AK9: variants seen among roughly 807,000 people sequenced by gnomAD.
AK9 encodes adenylate kinase 9.
Under a neutral mutation model 239.6 loss-of-function variants are expected in AK9, and 191 were observed. The ratio of observed to expected loss-of-function variants is 0.80; its 90% CI spans 0.71 to 0.90. AK9 has a LOEUF of 0.90. Ranked by LOEUF, AK9 falls within the 40% of genes least tolerant of loss-of-function variation. The pLI is 0.00. For missense variants in AK9, 1,995 were observed against 2,214.7 expected, an observed-to-expected ratio of 0.90 and a Z score of 1.99; for synonymous variants, 689 against 721.0, an observed-to-expected ratio of 0.96 and a Z score of 0.71.
At chr6:109,661,799 T>C (rs1336234131) in intron 6 of AK9, among the ~76,000 whole-genome samples, 1 of 152,182 alleles carries the variant, frequency 6.6e-6, no homozygotes, top group African/African-American at 2.4e-5. Flanking sequence ...AAGCTTATCA[T>C]TCATTTTGAC....
Position 109,506,695 on chromosome 6 carries a change from C to T in AK9, c.4587G>A (p.Glu1529=). 6.5e-7 allele frequency: 1 copy of T among 1,536,138 alleles called. No homozygotes were observed. Among genetic ancestry groups the T allele is most frequent in the Non-Finnish European group, 8.8e-7 (1 of 1,136,648 alleles). ...TTTCTAGGAGCAATCTTTTGAAAAT[C>T]TCCTTGGAAGGCACACTCAATTCAA... ...VIFELSVPSK[E]IFKRLLLEKE... is the part of the protein sequence containing the mutation. The change falls in exon 34 of 41, where the codon GAG becomes GAA. Residue 1529 remains glutamate (E), a synonymous_variant. Coordinates refer to ENST00000424296, the MANE Select transcript of AK9 (RefSeq NM_001145128.3).
chr6:109,515,431 C>CT lies in AK9; in HGVS notation c.4065+425dup, dbSNP rs141735632. ...ATTGATCAATGCTACGTTTGAATAT[C>CT]TTTTTATAGCATCAGATGGGCAAGT... On this transcript the variant is annotated intron_variant, in intron 31 of 40. Coordinates refer to ENST00000424296, the MANE Select transcript of AK9 (RefSeq NM_001145128.3). Among the ~76,000 whole-genome samples the CT allele has an allele frequency of 1.1e-3, 168 of 152,258 alleles. No homozygotes were observed. The East Asian group carries it at 0.024, about 22-fold the overall frequency.
At chr6:109,514,561 T>A in intron 31 of AK9, 124 bp from the exon 32 acceptor site, 1 of 811,734 alleles carries the variant, frequency 1.2e-6, no homozygotes, top group Non-Finnish European at 1.9e-6. Context: ...ATAAGAAAAC[T>A]AATTATAATC....
At chr6:109,553,593 GTT>G (rs1363171241) in intron 24 of AK9, among the ~76,000 whole-genome samples, 1 of 152,128 alleles carries the variant, frequency 6.6e-6, no homozygotes, top group Non-Finnish European at 1.5e-5. Context: ...AGTTCAAGAA[GTT>G]TTTGGGCTGA....
chr6:109,506,849 C>T (rs182265471), intron 33 of AK9, 49 bp from the exon 34 acceptor site: 391 of 1,447,502 alleles, frequency 2.7e-4, no homozygotes, highest in East Asian at 4.3e-4. Context: ...CTTTTTCTCT[C>T]GTACTTCCTT....
intron 15 of AK9, among the ~76,000 whole-genome samples, chr6:109,613,435 CAG>C (rs1379093203): frequency 6.6e-6 from 1 of 151,696 alleles, no homozygotes; most frequent in Non-Finnish European, 1.5e-5. Context: ...ATTAAAACAA[CAG>C]AAAATACTGA....
At chr6:109,516,291 A>G (rs969258360) in intron 30 of AK9, 139 bp downstream of exon 30, 1 of 897,748 alleles carries the variant, frequency 1.1e-6, no homozygotes, top group African/African-American at 1.7e-5. Context: ...CATAATTGTT[A>G]AATGATACCG....
At chr6:109,531,857 T>C (rs1781317852) in intron 28 of AK9, among the ~76,000 whole-genome samples, 1 of 152,160 alleles carries the variant, frequency 6.6e-6, no homozygotes, top group Non-Finnish European at 1.5e-5. Flanking sequence ...CCTCCTCACA[T>C]CCATAGTTCT....
At chr6:109,618,172 T>C (rs1794401142) in intron 13 of AK9, among the ~76,000 whole-genome samples, 1 of 152,164 alleles carries the variant, frequency 6.6e-6, no homozygotes, top group Admixed American at 6.6e-5. Flanking sequence ...TGACTGAATC[T>C]AGCTAAAATT....
At chr6:109,533,551 T>C (rs1469727636) in intron 27 of AK9, 81 bp from the exon 28 acceptor site, 1 of 1,158,300 alleles carries the variant, frequency 8.6e-7, no homozygotes, top group Non-Finnish European at 1.2e-6. Flanking sequence ...GTAATGATCA[T>C]TATACAAGGT....
rs938172849 is a variant in AK9, at chr6:109,497,457, G to T, written c.5315+8C>A. 4 of 1,523,022 alleles carry T rather than the reference G, an allele frequency of 2.6e-6. No homozygotes were observed. The African/African-American group carries it at 4.2e-5, about 16-fold the overall frequency. 94.3% of individuals were successfully genotyped at this position (1,523,022 alleles called of 1,614,324 possible). ...TTTCAGTAAATATTTGTGATTTAATGGTCTCACCTCAAAAATTTCTGGAGT... is the reference window on the plus strand; with the variant it reads ...TTTCAGTAAATATTTGTGATTTAATTGTCTCACCTCAAAAATTTCTGGAGT... On this transcript the variant is annotated splice_region_variant and intron_variant, in intron 38 of 40. Transcript: ENST00000424296.
chr6:109,533,206 A>G (rs1781509765), intron 28 of AK9, 45 bp downstream of exon 28: 4 of 1,446,888 alleles, frequency 2.8e-6, no homozygotes, highest in Non-Finnish European at 3.7e-6. Flanking sequence ...ATCACTAAAC[A>G]GATGCTGAAC....
At chr6:109,600,228 T>C (rs1471143628) in intron 17 of AK9, among the ~76,000 whole-genome samples, 2 of 152,172 alleles carry the variant, frequency 1.3e-5, no homozygotes, top group Non-Finnish European at 2.9e-5. Flanking sequence ...CATAAATAGC[T>C]CTTATTATTT....
chr6:109,629,635 A>AT (rs992623558), intron 12 of AK9, among the ~76,000 whole-genome samples: 193 of 148,104 alleles, frequency 1.3e-3, no homozygotes, highest in African/African-American at 4.1e-3. Context: ...TATTTGAAAA[A>AT]TTTTTTTTTT....
At chr6:109,534,755 C>G (rs987753705) in intron 27 of AK9, among the ~76,000 whole-genome samples, 3 of 152,094 alleles carry the variant, frequency 2.0e-5, no homozygotes, top group African/African-American at 4.8e-5. Flanking sequence ...ATCCCTCCCC[C>G]ACTCCCCACC....
intron 29 of AK9, among the ~76,000 whole-genome samples, chr6:109,525,921 T>C (rs144671714): frequency 8.1e-4 from 123 of 152,166 alleles, no homozygotes; most frequent in African/African-American, 2.8e-3. Context: ...ATAAAGAAAA[T>C]GTGGTACATA....
At chr6:109,689,039 GA>G (rs1773925165) in intron 1 of AK9, among the ~76,000 whole-genome samples, 1 of 152,188 alleles carries the variant, frequency 6.6e-6, no homozygotes. Context: ...CCTCAGGGAT[GA>G]AAGCTTGTTA....
chr6:109,608,133 G>A (rs1269392827), intron 17 of AK9, among the ~76,000 whole-genome samples: 1 of 151,918 alleles, frequency 6.6e-6, no homozygotes, highest in Non-Finnish European at 1.5e-5. Flanking sequence ...CAAAAAATTA[G>A]CCAGGCATGG....
chr6:109,569,988 T>C (rs1257030170), intron 21 of AK9, among the ~76,000 whole-genome samples: 3 of 152,218 alleles, frequency 2.0e-5, no homozygotes, highest in African/African-American at 4.8e-5. Context: ...CACGTATGTT[T>C]ATTGTTGCAC....
Sources: gnomAD v4.1 joint callset for allele counts (sites outside exome capture counted in the v4.1 genomes callset) on GRCh38, gnomAD v4.1.1 for gene constraint, MANE v1.5 for transcripts, NCBI Gene and HGNC (gene_info 2026-07-23, HGNC 2026-07-21) for gene names.